The following TTLL5 variants were observed in gnomAD, a reference collection of about 807,000 sequenced individuals.
The protein encoded by TTLL5 is tubulin polyglutamylase TTLL5.
A neutral mutation model predicts 168.4 loss-of-function variants in TTLL5; 132 were observed. That is an observed-to-expected ratio of 0.78 (90% confidence interval 0.68 to 0.91). The LOEUF is 0.91. TTLL5 is among the 40% of genes least tolerant of loss of function. The pLI, the probability that TTLL5 is intolerant of heterozygous loss-of-function variation, is 0.00. For synonymous variants in TTLL5, 546 were observed against 558.6 expected (o/e 0.98, Z 0.32); for missense variants, 1,545 against 1,581.5 (o/e 0.98, Z 0.39).
At chr14:75,868,578 A>C (rs2030731536) in intron 29 of TTLL5, among the ~76,000 whole-genome samples, 1 of 152,190 alleles carries the variant, frequency 6.6e-6, no homozygotes, top group South Asian at 2.1e-4. Flanking sequence ...CATTGTTCAC[A>C]TCAAGAGGTC....
At chr14:75,781,548 G>C (rs546268019) in intron 24 of TTLL5, among the ~76,000 whole-genome samples, 1 of 152,224 alleles carries the variant, frequency 6.6e-6, no homozygotes, top group South Asian at 2.1e-4. Flanking sequence ...TATATGATTA[G>C]CTCTGGCTAT....
Position 75,731,351 on chromosome 14 carries a change from A to G in TTLL5, c.1043-987A>G, listed in dbSNP as rs536240480. On this transcript the variant is annotated intron_variant, in intron 12 of 31. Coordinates refer to ENST00000298832, the MANE Select transcript of TTLL5 (RefSeq NM_015072.5). ...AGTGATGTTTTATATATATATAGAT[A>G]TAGCTATAAATATACACATACATAC... 4.9e-5 allele frequency among the ~76,000 whole-genome samples: 7 copies of G among 144,022 alleles called. No homozygotes were observed. In the East Asian group the frequency reaches 1.4e-3, roughly 29 times the overall value. The allele number at this position is 144,022 out of a possible 152,430, so 94.5% of individuals were successfully genotyped here. A position where few individuals can be genotyped will look rare whatever the true frequency, so the allele number is the denominator to read the frequency against.
rs1252469953 is a variant in TTLL5, at chr14:75,690,448, A to G, written c.502+126A>G. 8.3e-6 allele frequency: 10 copies of G among 1,198,192 alleles called. No homozygotes were observed. In the African/African-American group the frequency reaches 1.2e-4, roughly 15 times the overall value. The allele number at this position is 1,198,192 out of a possible 1,614,324, so 74.2% of individuals were successfully genotyped here. A position where few individuals can be genotyped will look rare whatever the true frequency, so the allele number is the denominator to read the frequency against. On this transcript the variant is annotated intron_variant, in intron 6 of 31. Coordinates refer to ENST00000298832, the MANE Select transcript of TTLL5 (RefSeq NM_015072.5). Reference sequence around the variant, plus strand: ...AATCCTTAGACAACTGTGACTCTTTAGTAAAACAGTTGCAGAGGTAACTTT... The same window carrying G: ...AATCCTTAGACAACTGTGACTCTTTGGTAAAACAGTTGCAGAGGTAACTTT...
intron 7 of TTLL5, 67 bp from the exon 8 acceptor site, chr14:75,706,951 G>GC: frequency 7.4e-7 from 1 of 1,342,532 alleles, no homozygotes; most frequent in Non-Finnish European, 1.1e-6. Flanking sequence ...TAAGAACTTT[G>GC]CTCCCTTATT....
At chr14:75,666,933 A>G (rs1450918716) in intron 2 of TTLL5, among the ~76,000 whole-genome samples, 1 of 152,218 alleles carries the variant, frequency 6.6e-6, no homozygotes, top group African/African-American at 2.4e-5. Context: ...GTGGATTTTA[A>G]TATGTACCAG....
rs114930357 is a variant in TTLL5, at chr14:75,858,643, T to G, written c.3327-5024T>G. Among the ~76,000 whole-genome samples, 529 of 152,334 alleles carry G rather than the reference T, an allele frequency of 3.5e-3. 5 individuals are homozygous for G. The highest frequency in any genetic ancestry group is 0.012 in the African/African-American group (494 of 41,580). On this transcript the variant is annotated intron_variant, in intron 28 of 31. Coordinates refer to ENST00000298832, the MANE Select transcript of TTLL5 (RefSeq NM_015072.5). ...TTCAAAGAATACAACTGACAGTATT[T>G]GTTGTCAATGATAAAATTACAGCTT... is the stretch of plus-strand genomic sequence containing the variant.
chr14:75,914,137 GTCAC>G (rs2033514435), intron 31 of TTLL5, among the ~76,000 whole-genome samples: 1 of 147,066 alleles, frequency 6.8e-6, no homozygotes, highest in Non-Finnish European at 1.5e-5. Context: ...GTCCCGCTCT[GTCAC>G]TCATTTATCT....
chr14:75,908,726 T>C (rs556908684), intron 31 of TTLL5, among the ~76,000 whole-genome samples: 87 of 152,294 alleles, frequency 5.7e-4, no homozygotes, highest in African/African-American at 2.0e-3. Flanking sequence ...TCTGTATTTG[T>C]CTGTTCATCA....
At chr14:75,733,839 T>C in intron 13 of TTLL5, 150 bp from the exon 14 acceptor site, 1 of 677,210 alleles carries the variant, frequency 1.5e-6, no homozygotes, top group Admixed American at 2.9e-5. Context: ...CCCAGGATTT[T>C]TCCCCCACCG....
At chr14:75,880,893 C>T (rs891641970) in intron 29 of TTLL5, among the ~76,000 whole-genome samples, 1 of 152,134 alleles carries the variant, frequency 6.6e-6, no homozygotes, top group Non-Finnish European at 1.5e-5. Context: ...TGCCCATGAC[C>T]TTGCATCTGT....
At position 75,884,280 on chromosome 14, in the gene TTLL5, G is replaced by T. The variant is rs570392253; in HGVS notation, c.3740+1378G>T. Reference sequence around the variant, plus strand: ...CCAAATGCGAATGTTGAATTTGCCAGTGTGCCCCTTGTGGATTCTCTGATT... The same window carrying T: ...CCAAATGCGAATGTTGAATTTGCCATTGTGCCCCTTGTGGATTCTCTGATT... On this transcript the variant is annotated intron_variant, in intron 30 of 31. Transcript: ENST00000298832. 4.6e-5 allele frequency among the ~76,000 whole-genome samples: 7 copies of T among 152,350 alleles called. No homozygotes were observed. The South Asian group carries it at 6.2e-4, about 14-fold the overall frequency.
rs1462398243 is a variant in TTLL5, at chr14:75,870,747, G to A, written c.3522+6885G>A. ...GGAAACCTGACAGGTGTCTACAAATGTGACTACCACAGATGACATGTTTGC... is the reference window on the plus strand; with the variant it reads ...GGAAACCTGACAGGTGTCTACAAATATGACTACCACAGATGACATGTTTGC... On this transcript the variant is annotated intron_variant, in intron 29 of 31. Transcript: ENST00000298832. Among the ~76,000 whole-genome samples the A allele has an allele frequency of 2.0e-5, 3 of 151,684 alleles. No individual in the cohort carries two copies. In the East Asian group the frequency reaches 5.8e-4, roughly 29 times the overall value.
Position 75,710,399 on chromosome 14 carries a change from TACACACACACACACACACAC to T in TTLL5, c.740+2712_740+2731del, listed in dbSNP as rs34988364. The T allele has an allele frequency of 5.5e-5, 8 of 146,006 alleles. No homozygotes were observed. In the South Asian group the frequency reaches 8.8e-4, roughly 16 times the overall value. 9.0% of individuals were successfully genotyped at this position (146,006 alleles called of 1,614,324 possible). On this transcript the variant is annotated intron_variant, in intron 9 of 31. Coordinates refer to ENST00000298832, the MANE Select transcript of TTLL5 (RefSeq NM_015072.5). Reference sequence around the variant, plus strand: ...CTTCCAGCAGAAACAAAAAAATTTATACACACACACACACACACACACACACACACACACACACAATGGAT... The same window carrying T: ...CTTCCAGCAGAAACAAAAAAATTTATACACACACACACACACACAATGGAT...
chr14:75,742,743 G>A (rs1787007618), intron 15 of TTLL5, among the ~76,000 whole-genome samples: 1 of 152,192 alleles, frequency 6.6e-6, no homozygotes, highest in Admixed American at 6.5e-5. Context: ...GGTGAACTAG[G>A]TAAGTATTTT....
intron 28 of TTLL5, among the ~76,000 whole-genome samples, chr14:75,831,484 G>A (rs1202620511): frequency 1.3e-5 from 2 of 152,154 alleles, no homozygotes; most frequent in Non-Finnish European, 2.9e-5. Flanking sequence ...GGGGAGTCTT[G>A]CTTCTCTACC....
chr14:75,737,478 C>T, intron 15 of TTLL5: 1 of 1,345,068 alleles, frequency 7.4e-7, no homozygotes. Context: ...ATTATTTTTT[C>T]CTTTTTTATA....
intron 30 of TTLL5, among the ~76,000 whole-genome samples, chr14:75,894,477 C>G (rs2032556808): frequency 6.6e-6 from 1 of 152,016 alleles, no homozygotes; most frequent in Admixed American, 6.5e-5. Context: ...CTCTTGAACC[C>G]AGGAGGCTGA....
At chr14:75,773,952 AGAGAAAGAGAG>A (rs1566598111) in intron 21 of TTLL5, among the ~76,000 whole-genome samples, 2 of 39,124 alleles carry the variant, frequency 5.1e-5, no homozygotes, top group South Asian at 1.3e-3. Context: ...AGAGAGAGAG[AGAGAAAGAGAG>A]AGAGAGAGAG....
chr14:75,726,853 G>GATT (rs1712489458), intron 12 of TTLL5, among the ~76,000 whole-genome samples: 1 of 152,132 alleles, frequency 6.6e-6, no homozygotes, highest in Admixed American at 6.5e-5. Context: ...GGAGCGATAG[G>GATT]ATTATTATTA....
Sources: gnomAD v4.1 joint callset for allele counts (sites outside exome capture counted in the v4.1 genomes callset) on GRCh38, gnomAD v4.1.1 for gene constraint, MANE v1.5 for transcripts, NCBI Gene and HGNC (gene_info 2026-07-23, HGNC 2026-07-21) for gene names.